CSMD1: variants seen among roughly 807,000 people sequenced by gnomAD.
CSMD1 encodes the protein CUB and Sushi multiple domains 1, also known as CUB and sushi domain-containing protein 1.
A neutral mutation model predicts 417.5 loss-of-function variants in CSMD1; 213 were observed. That is an observed-to-expected ratio of 0.51 (90% CI 0.46 to 0.57). The LOEUF (loss-of-function observed/expected upper bound fraction) is 0.57. CSMD1 is among the 20% of genes least tolerant of loss of function. The pLI is 0.00. For synonymous variants in CSMD1, 2,862 were observed against 1,736.8 expected (o/e 1.65, Z -16.11); for missense variants, 6,923 against 4,529.7 (o/e 1.53, Z -15.17).
intron 5 of CSMD1, among the ~76,000 whole-genome samples, chr8:3,923,325 T>G (rs561390412): frequency 1.6e-4 from 24 of 152,336 alleles, no homozygotes; most frequent in African/African-American, 3.4e-4. Context: ...TATGTATATA[T>G]ACACATACAT....
intron 1 of CSMD1, among the ~76,000 whole-genome samples, chr8:4,951,164 C>G (rs932997897): frequency 6.6e-6 from 1 of 152,114 alleles, no homozygotes; most frequent in Non-Finnish European, 1.5e-5. Context: ...CTGCATCACT[C>G]CTTGCCTTAA....
intron 62 of CSMD1, among the ~76,000 whole-genome samples, chr8:2,959,095 T>C (rs34189179): frequency 1.3e-5 from 2 of 152,182 alleles, no homozygotes; most frequent in African/African-American, 4.8e-5. Context: ...GATTGATTGA[T>C]TGATTGACTG....
chr8:3,577,445 T>C (rs1218147475), intron 9 of CSMD1, among the ~76,000 whole-genome samples: 1 of 152,160 alleles, frequency 6.6e-6, no homozygotes, highest in Non-Finnish European at 1.5e-5. Flanking sequence ...CTTTGCAACA[T>C]ATTTTAATAA....
At chr8:4,625,532 C>A (rs1252255738) in intron 2 of CSMD1, among the ~76,000 whole-genome samples, 1 of 152,038 alleles carries the variant, frequency 6.6e-6, no homozygotes, top group Non-Finnish European at 1.5e-5. Context: ...CCTACCTGAA[C>A]CATCTCTAGT....
intron 7 of CSMD1, among the ~76,000 whole-genome samples, chr8:3,681,751 G>T (rs1292391235): frequency 6.6e-6 from 1 of 152,132 alleles, no homozygotes; most frequent in African/African-American, 2.4e-5. Flanking sequence ...TAAGCCAAAA[G>T]AACAAAGCTG....
chr8:3,618,249 C>T (rs940446320), intron 7 of CSMD1, among the ~76,000 whole-genome samples: 2 of 152,262 alleles, frequency 1.3e-5, no homozygotes, highest in Middle Eastern at 3.4e-3. Context: ...AAGTGACACT[C>T]GCACTGTGGC....
chr8:3,336,695 C>G (rs1807282935), intron 23 of CSMD1, among the ~76,000 whole-genome samples: 1 of 152,184 alleles, frequency 6.6e-6, no homozygotes, highest in African/African-American at 2.4e-5. Flanking sequence ...AGAGACTGTT[C>G]CCGATGTGGG....
At chr8:4,606,149 C>A (rs1265220130) in intron 2 of CSMD1, among the ~76,000 whole-genome samples, 1 of 152,152 alleles carries the variant, frequency 6.6e-6, no homozygotes, top group African/African-American at 2.4e-5. Context: ...TAATACTGAG[C>A]TTCTAAACCG....
At chr8:4,749,780 A>C (rs998702779) in intron 1 of CSMD1, among the ~76,000 whole-genome samples, 15 of 152,152 alleles carry the variant, frequency 9.9e-5, no homozygotes, top group African/African-American at 2.4e-5. Context: ...TAAAATGTGT[A>C]AGTCTGGGCC....
chr8:3,349,909 T>G (rs1290888758), intron 21 of CSMD1, among the ~76,000 whole-genome samples: 1 of 144,176 alleles, frequency 6.9e-6, no homozygotes, highest in South Asian at 2.1e-4. Flanking sequence ...TATATTTATA[T>G]ATATTTATAT....
intron 5 of CSMD1, among the ~76,000 whole-genome samples, chr8:3,815,247 G>T (rs749157001): frequency 2.1e-4 from 32 of 152,022 alleles, no homozygotes; most frequent in Non-Finnish European, 3.8e-4. Flanking sequence ...ATATGATTTG[G>T]GTAAAGTGTC....
chr8:4,554,725 A>G (rs925007747), intron 2 of CSMD1, among the ~76,000 whole-genome samples: 5 of 152,216 alleles, frequency 3.3e-5, no homozygotes, highest in African/African-American at 1.2e-4. Context: ...AAGTTTTACT[A>G]TTGTAGTGAT....
At chr8:3,309,503 C>T (rs1227889896) in intron 23 of CSMD1, among the ~76,000 whole-genome samples, 1 of 152,156 alleles carries the variant, frequency 6.6e-6, no homozygotes, top group African/African-American at 2.4e-5. Context: ...GATTTAGCTT[C>T]TGCAGTACTG....
intron 1 of CSMD1, among the ~76,000 whole-genome samples, chr8:4,657,672 A>C (rs1315755542): frequency 6.6e-6 from 1 of 151,962 alleles, no homozygotes; most frequent in Admixed American, 6.5e-5. Context: ...TTCTCAAAAA[A>C]TCATAAAACA....
At chr8:3,905,225 A>G (rs1467038349) in intron 5 of CSMD1, among the ~76,000 whole-genome samples, 1 of 152,196 alleles carries the variant, frequency 6.6e-6, no homozygotes, top group Non-Finnish European at 1.5e-5. Flanking sequence ...GCATAATATA[A>G]TTTTTCAAAC....
At chr8:3,585,958 C>G (rs1335145655) in intron 9 of CSMD1, among the ~76,000 whole-genome samples, 178 bp downstream of exon 9, 3 of 152,126 alleles carry the variant, frequency 2.0e-5, no homozygotes, top group African/African-American at 7.2e-5. Flanking sequence ...AAATGTTAGC[C>G]TCTCAGCAAA....
chr8:3,817,593 G>A lies in CSMD1; in HGVS notation c.819-63551C>T, dbSNP rs142554488. On this transcript the variant is annotated intron_variant, in intron 5 of 69. Transcript: ENST00000635120. The stretch of plus-strand genomic sequence containing the variant: ...TGCGCCTGGCCATCTTCTTTATTTA[G>A]AGTCACAGAATATTTACGGGCAATA... Among the ~76,000 whole-genome samples, 88 of 152,032 alleles carry A rather than the reference G, an allele frequency of 5.8e-4. No individual in the cohort carries two copies. The East Asian group carries it at 0.016, about 28-fold the overall frequency.
At chr8:3,582,370 G>A (rs1156382222) in intron 9 of CSMD1, among the ~76,000 whole-genome samples, 3 of 152,144 alleles carry the variant, frequency 2.0e-5, no homozygotes, top group Middle Eastern at 3.2e-3. Flanking sequence ...TTAAAAAAGG[G>A]AATGGTGACA....
chr8:4,359,961 A>T (rs1375412086), intron 3 of CSMD1, among the ~76,000 whole-genome samples: 1 of 152,204 alleles, frequency 6.6e-6, no homozygotes, highest in Non-Finnish European at 1.5e-5. Context: ...GATCTTCCAC[A>T]TGGTTAGGAT....
Sources: gnomAD v4.1 joint callset for allele counts (sites outside exome capture counted in the v4.1 genomes callset) on GRCh38, gnomAD v4.1.1 for gene constraint, MANE v1.5 for transcripts, NCBI Gene and HGNC (gene_info 2026-07-23, HGNC 2026-07-21) for gene names.